Variants in FBXO11 observed in about 807,000 individuals in gnomAD.
The protein encoded by FBXO11 is F-box protein 11.
In FBXO11, 13 loss-of-function variants were observed where a neutral mutation model predicts 117.0. The ratio of observed to expected loss-of-function variants is 0.11; its 90% CI spans 0.07 to 0.18. FBXO11 has a LOEUF of 0.18. FBXO11 is among the 10% of genes least tolerant of loss of function. The pLI, the probability that FBXO11 is intolerant of heterozygous loss-of-function variation, is 1.00. For missense variants in FBXO11, 767 were observed against 1,164.4 expected, an observed-to-expected ratio of 0.66 and a Z score of 4.97; for synonymous variants, 490 against 380.5, an observed-to-expected ratio of 1.29 and a Z score of -3.35.
chr2:47,814,054 T>C lies in FBXO11; in HGVS notation c.2007-187A>G, dbSNP rs1184203214. ...TTAATCCTGTATTTCCCACAGAACA[T>C]ACTTTACTACAGATTATTATTGTAG... On this transcript the variant is annotated intron_variant, in intron 16 of 22. Transcript: ENST00000403359. 46 of 516,890 alleles carry C rather than the reference T, an allele frequency of 8.9e-5. No homozygotes were observed. In the Admixed American group the frequency reaches 1.4e-3, roughly 16 times the overall value. 32.0% of individuals were successfully genotyped at this position (516,890 alleles called of 1,614,324 possible).
intron 1 of FBXO11, among the ~76,000 whole-genome samples, chr2:47,850,980 A>C (rs1394976911): frequency 6.6e-6 from 1 of 152,238 alleles, no homozygotes; most frequent in Non-Finnish European, 1.5e-5. Context: ...TATTTTAACA[A>C]GCAAGAAAAA....
At chr2:47,873,601 T>A (rs564693215) in intron 1 of FBXO11, among the ~76,000 whole-genome samples, 1 of 152,294 alleles carries the variant, frequency 6.6e-6, no homozygotes, top group African/African-American at 2.4e-5. Flanking sequence ...TCCTTAGTCT[T>A]TTGGGGTTCT....
In FBXO11 at chr2:47,835,961, T is replaced by C. The variant is rs1037057182; in HGVS notation, c.628A>G (p.Met210Val). 3 of 1,610,898 alleles carry C rather than the reference T, an allele frequency of 1.9e-6. No homozygotes were observed. Among genetic ancestry groups the C allele is most frequent in the Admixed American group, 1.7e-5 (1 of 59,954 alleles). Residue 210 changes from methionine to valine, a missense_variant, in exon 5 of 23, where the codon ATG (methionine) becomes GTG (valine). By Grantham distance (21) the Met-to-Val change is conservative (BLOSUM62 1). This residue lies in a region of FBXO11 where 355 missense variants were observed against 299.8 expected (regional missense o/e 1.18). Coordinates refer to ENST00000403359, the MANE Select transcript of FBXO11 (RefSeq NM_001190274.2). ...AATTTTCCAGGTTCAGGATGCATCATAGGGCGAGTATATTCAAATACTTCC... is the reference window on the plus strand; with the variant it reads ...AATTTTCCAGGTTCAGGATGCATCACAGGGCGAGTATATTCAAATACTTCC... ...YMEVFEYTRPMMHPEPGKFYQ... is the reference protein window; with the variant it reads ...YMEVFEYTRPVMHPEPGKFYQ...
At chr2:47,857,233 C>G (rs187445384) in intron 1 of FBXO11, among the ~76,000 whole-genome samples, 1 of 152,080 alleles carries the variant, frequency 6.6e-6, no homozygotes, top group Non-Finnish European at 1.5e-5. Context: ...AAACAACACA[C>G]CATTTGTTTG....
At chr2:47,886,564 T>C (rs1267860473) in intron 1 of FBXO11, among the ~76,000 whole-genome samples, 1 of 152,090 alleles carries the variant, frequency 6.6e-6, no homozygotes, top group Non-Finnish European at 1.5e-5. Context: ...TAAAGATATT[T>C]GTATAGGGTT....
intron 14 of FBXO11, among the ~76,000 whole-genome samples, chr2:47,819,746 T>C (rs567209085): frequency 4.6e-5 from 7 of 152,306 alleles, no homozygotes; most frequent in East Asian, 1.9e-4. Flanking sequence ...TTCAAAATGA[T>C]ATGGCTTCAT....
intron 1 of FBXO11, among the ~76,000 whole-genome samples, chr2:47,897,701 C>CAAAA (rs60982405): frequency 9.7e-5 from 10 of 103,092 alleles, no homozygotes; most frequent in Non-Finnish European, 1.3e-4. Flanking sequence ...TGTCTTAAAC[C>CAAAA]AAAAAAAAAA....
chr2:47,816,334 C>A (rs1411113876), intron 16 of FBXO11, among the ~76,000 whole-genome samples: 1 of 152,142 alleles, frequency 6.6e-6, no homozygotes, highest in African/African-American at 2.4e-5. Flanking sequence ...CGCATGCCAC[C>A]ATGCCTAGCT....
At chr2:47,898,472 G>C (rs1215080484) in intron 1 of FBXO11, among the ~76,000 whole-genome samples, 2 of 152,156 alleles carry the variant, frequency 1.3e-5, no homozygotes, top group African/African-American at 2.4e-5. Flanking sequence ...TTCTGAAATA[G>C]TCCAGCCTAC....
chr2:47,853,592 C>G (rs1483385392), intron 1 of FBXO11, among the ~76,000 whole-genome samples: 1 of 152,014 alleles, frequency 6.6e-6, no homozygotes, highest in Non-Finnish European at 1.5e-5. Context: ...TAGTAGCCAC[C>G]CTGTTATCTT....
chr2:47,905,097 A>AG, intron 1 of FBXO11: 1 of 156,980 alleles, frequency 6.4e-6, no homozygotes, highest in African/African-American at 2.4e-5. Flanking sequence ...ACCTACCACT[A>AG]GAAAGAGGCA....
chr2:47,877,776 C>G (rs1165653369), intron 1 of FBXO11, among the ~76,000 whole-genome samples: 1 of 152,214 alleles, frequency 6.6e-6, no homozygotes, highest in East Asian at 1.9e-4. Flanking sequence ...CCTCCGACTC[C>G]CAGGTTCAAG....
chr2:47,878,672 T>C (rs1178357825), intron 1 of FBXO11, among the ~76,000 whole-genome samples: 1 of 151,948 alleles, frequency 6.6e-6, no homozygotes, highest in Non-Finnish European at 1.5e-5. Flanking sequence ...TTTTTTTTTT[T>C]TTTTTAAAGG....
In FBXO11 at chr2:47,905,575, G is replaced by A. The variant is rs1257345739; in HGVS notation, c.146C>T (p.Pro49Leu). 8.2e-7 allele frequency: 1 copy of A among 1,217,818 alleles called. No homozygotes were observed. Among genetic ancestry groups the A allele is most frequent in the Non-Finnish European group, 1.0e-6 (1 of 971,518 alleles). The allele number at this position is 1,217,818 out of a possible 1,614,324, so 75.4% of individuals were successfully genotyped here. A position where few individuals can be genotyped will look rare whatever the true frequency, so the allele number is the denominator to read the frequency against. The change falls in exon 1 of 23, where the codon CCG (proline) becomes CTG (leucine). Residue 49 changes from proline (P) to leucine (L), a missense_variant. Physicochemically the swap from Pro to Leu is moderately conservative, Grantham distance 98. Coordinates refer to ENST00000403359, the MANE Select transcript of FBXO11 (RefSeq NM_001190274.2). ...AGGCTGCTGCTGCTGCTGCTGCTGC[G>A]GCGGCGGCGGAGGCTGCTGCTGGGG... ...QPPQQQPPPP[P>L]QQQQQQQPPP...
intron 1 of FBXO11, among the ~76,000 whole-genome samples, chr2:47,857,631 A>G (rs905046114): frequency 6.6e-6 from 1 of 152,196 alleles, no homozygotes; most frequent in African/African-American, 2.4e-5. Context: ...TAAGATAAGG[A>G]CAGACCATGA....
At chr2:47,848,150 A>C (rs962264951) in intron 1 of FBXO11, among the ~76,000 whole-genome samples, 2 of 150,598 alleles carry the variant, frequency 1.3e-5, no homozygotes, top group African/African-American at 2.4e-5. Flanking sequence ...AAACAAAAAA[A>C]CAACCAAACA....
intron 11 of FBXO11, among the ~76,000 whole-genome samples, chr2:47,827,854 G>A (rs905161093): frequency 5.3e-5 from 8 of 152,008 alleles, no homozygotes; most frequent in African/African-American, 1.9e-4. Context: ...GTGCCACCAT[G>A]CCCAGCTAAT....
At chr2:47,812,907 C>G in intron 18 of FBXO11, 1 of 283,802 alleles carries the variant, frequency 3.5e-6, no homozygotes, top group South Asian at 3.8e-5. Context: ...ATCAATTTCT[C>G]ACATCTATTT....
chr2:47,812,192 TG>T (rs1670667196), intron 18 of FBXO11, among the ~76,000 whole-genome samples: 1 of 152,228 alleles, frequency 6.6e-6, no homozygotes, highest in African/African-American at 2.4e-5. Flanking sequence ...TCTAGACTTT[TG>T]TTTACGATGT....
Sources: gnomAD v4.1 joint callset for allele counts (sites outside exome capture counted in the v4.1 genomes callset) on GRCh38, gnomAD v4.1.1 for gene constraint, gnomAD v4.1.1 regional missense constraint, MANE v1.5 for transcripts, NCBI Gene and HGNC (gene_info 2026-07-23, HGNC 2026-07-21) for gene names.